MGAT5: variants seen among roughly 807,000 people sequenced by gnomAD.
The protein encoded by MGAT5 is alpha-1,6-mannosylglycoprotein 6-beta-N-acetylglucosaminyltransferase A.
In MGAT5, 30 loss-of-function variants were observed where a neutral mutation model predicts 94.3. The observed-to-expected ratio is 0.32, with a 90% CI of 0.24 to 0.43. The LOEUF is 0.43. MGAT5 is among the 20% of genes least tolerant of loss of function. MGAT5 has a pLI of 1.00. For missense variants in MGAT5, 691 were observed against 905.5 expected, an observed-to-expected ratio of 0.76 and a Z score of 3.04; for synonymous variants, 310 against 322.9, an observed-to-expected ratio of 0.96 and a Z score of 0.43.
intron 15 of MGAT5, among the ~76,000 whole-genome samples, chr2:134,443,665 C>A (rs1685611870): frequency 6.6e-6 from 1 of 152,202 alleles, no homozygotes; most frequent in African/African-American, 2.4e-5. Context: ...GTCTGGAAAG[C>A]CTGTGATGGT....
chr2:134,145,212 CTCTGTGTGTGTGTGTG>C (rs1686858697), intron 1 of MGAT5, among the ~76,000 whole-genome samples: 1 of 113,696 alleles, frequency 8.8e-6, no homozygotes, highest in Admixed American at 8.6e-5. Context: ...GTGTCTCTCT[CTCTGTGTGTGTGTGTG>C]TGTGTGTGTG....
At chr2:134,221,547 G>A (rs1680770462) in intron 1 of MGAT5, among the ~76,000 whole-genome samples, 1 of 152,100 alleles carries the variant, frequency 6.6e-6, no homozygotes, top group African/African-American at 2.4e-5. Context: ...ATTATCTCCT[G>A]GGAAAGAAGG....
At chr2:134,181,691 A>ATT (rs1688741892) in intron 1 of MGAT5, among the ~76,000 whole-genome samples, 1 of 152,194 alleles carries the variant, frequency 6.6e-6, no homozygotes, top group Non-Finnish European at 1.5e-5. Flanking sequence ...ACACATATAT[A>ATT]TTTATATATA....
chr2:134,213,635 C>T (rs567971321), intron 1 of MGAT5, among the ~76,000 whole-genome samples: 37 of 152,236 alleles, frequency 2.4e-4, no homozygotes, highest in African/African-American at 6.7e-4. Flanking sequence ...TGAGGGGTTC[C>T]TACAACCCCC....
intron 1 of MGAT5, among the ~76,000 whole-genome samples, chr2:134,196,272 T>C (rs549752327): frequency 1.3e-5 from 2 of 152,284 alleles, no homozygotes; most frequent in Non-Finnish European, 2.9e-5. Context: ...ATTTACCTAT[T>C]GTTGGTGTTT....
At chr2:134,190,766 C>A (rs1689328902) in intron 1 of MGAT5, among the ~76,000 whole-genome samples, 1 of 152,154 alleles carries the variant, frequency 6.6e-6, no homozygotes, top group South Asian at 2.1e-4. Flanking sequence ...CCACGTCAGC[C>A]TCCCGAGTAG....
chr2:134,395,323 G>A (rs1255683459), intron 10 of MGAT5, among the ~76,000 whole-genome samples: 1 of 152,164 alleles, frequency 6.6e-6, no homozygotes, highest in Non-Finnish European at 1.5e-5. Flanking sequence ...AGAGCCATTC[G>A]TTAAATGGCA....
At chr2:134,177,144 C>CGTGTGTGTGTGTGTGTGTGTGTGTGT (rs141358502) in intron 1 of MGAT5, among the ~76,000 whole-genome samples, 20,264 of 142,256 alleles carry the variant, frequency 0.14, 1,783 homozygotes, top group Middle Eastern at 0.26. Flanking sequence ...CAAATGAACC[C>CGTGTGTGTGTGTGTGTGTGTGTGTGT]GTGTGTGTGT....
intron 1 of MGAT5, among the ~76,000 whole-genome samples, chr2:134,125,713 G>A (rs1685810088): frequency 2.6e-5 from 4 of 152,198 alleles, no homozygotes; most frequent in Admixed American, 6.5e-5. Flanking sequence ...CCCACTGTGT[G>A]CTCACACCCA....
chr2:134,126,774 G>T (rs1685856623), intron 1 of MGAT5, among the ~76,000 whole-genome samples: 1 of 152,176 alleles, frequency 6.6e-6, no homozygotes, highest in Admixed American at 6.5e-5. Flanking sequence ...CTGGGGACGT[G>T]GCTAGGTGTT....
At chr2:134,130,732 A>C (rs1441036048) in intron 1 of MGAT5, among the ~76,000 whole-genome samples, 1 of 143,212 alleles carries the variant, frequency 7.0e-6, no homozygotes, top group Non-Finnish European at 1.6e-5. Context: ...GGGGACTTGG[A>C]GAACTTTTGT....
intron 1 of MGAT5, among the ~76,000 whole-genome samples, chr2:134,243,206 G>A (rs1184742808): frequency 6.6e-6 from 1 of 152,000 alleles, no homozygotes; most frequent in Admixed American, 6.6e-5. Flanking sequence ...CTCTGCTTGG[G>A]CCACACCTGA....
chr2:134,132,040 GT>G (rs1686201136), intron 1 of MGAT5, among the ~76,000 whole-genome samples: 1 of 152,240 alleles, frequency 6.6e-6, no homozygotes, highest in African/African-American at 2.4e-5. Context: ...ATCCATGGTT[GT>G]TGTAAGCCAC....
chr2:134,287,103 A>T (rs1278921783), intron 2 of MGAT5, among the ~76,000 whole-genome samples: 2 of 152,200 alleles, frequency 1.3e-5, no homozygotes, highest in Non-Finnish European at 2.9e-5. Context: ...TGGATTGTGC[A>T]CATTGGGGCT....
chr2:134,154,864 A>G (rs1389684714), intron 1 of MGAT5, among the ~76,000 whole-genome samples: 2 of 152,204 alleles, frequency 1.3e-5, no homozygotes, highest in African/African-American at 4.8e-5. Flanking sequence ...CTGAGTTTGA[A>G]TCTGGTCAGT....
intron 14 of MGAT5, among the ~76,000 whole-genome samples, chr2:134,438,501 G>A (rs1685298280): frequency 6.6e-6 from 1 of 152,198 alleles, no homozygotes; most frequent in Admixed American, 6.5e-5. Flanking sequence ...GATGACAGCT[G>A]TCCCAATGGG....
At chr2:134,133,250 T>C (rs1467344129) in intron 1 of MGAT5, among the ~76,000 whole-genome samples, 3 of 152,242 alleles carry the variant, frequency 2.0e-5, no homozygotes, top group African/African-American at 7.2e-5. Context: ...ACTTCTGTGG[T>C]TGAAAAGACT....
chr2:134,278,094 G>T (rs532069406), intron 2 of MGAT5, among the ~76,000 whole-genome samples: 30 of 152,162 alleles, frequency 2.0e-4, no homozygotes, highest in Non-Finnish European at 4.1e-4. Flanking sequence ...GTCCTCTCAG[G>T]TATTGGATAC....
At chr2:134,145,524 C>T (rs527716176) in intron 1 of MGAT5, among the ~76,000 whole-genome samples, 73 of 152,230 alleles carry the variant, frequency 4.8e-4, no homozygotes, top group African/African-American at 1.4e-3. Context: ...CCAGCCTGGG[C>T]GACAGAGCGA....
Sources: gnomAD v4.1 joint callset for allele counts (sites outside exome capture counted in the v4.1 genomes callset) on GRCh38, gnomAD v4.1.1 for gene constraint, MANE v1.5 for transcripts, NCBI Gene and HGNC (gene_info 2026-07-23, HGNC 2026-07-21) for gene names.